EIF3L: variants seen among roughly 807,000 people sequenced by gnomAD.
The protein encoded by EIF3L is eIEF associated protein HSPC021.
EIF3L carries 32 observed loss-of-function variants against 74.6 expected under a neutral mutation model. The observed-to-expected ratio is 0.43, with a 90% CI of 0.32 to 0.58. The LOEUF (loss-of-function observed/expected upper bound fraction) is 0.58. EIF3L is among the 20% of genes least tolerant of loss of function. EIF3L has a pLI of 0.06. For synonymous variants in EIF3L, 256 were observed against 254.4 expected (o/e 1.01, Z -0.06); for missense variants, 474 against 707.8 (o/e 0.67, Z 3.75).
At chr22:37,871,508 C>T (rs1314661789) in intron 8 of EIF3L, among the ~76,000 whole-genome samples, 2 of 152,114 alleles carry the variant, frequency 1.3e-5, no homozygotes, top group African/African-American at 4.8e-5. Flanking sequence ...TACTTTCAGG[C>T]TGTGTGTATA....
chr22:37,874,351 CGGTGTCT>C lies in EIF3L; in HGVS notation c.752-17_752-11del, dbSNP rs754960254. On this transcript the variant is annotated splice_polypyrimidine_tract_variant and intron_variant, in intron 8 of 12. Coordinates refer to ENST00000652021, the MANE Select transcript of EIF3L (RefSeq NM_016091.4). The stretch of plus-strand genomic sequence containing the variant: ...TTTACCTGCCTCCTATCAGTATTCA[CGGTGTCT>C]GTCTCTTTCAGGTGACCCTGAGAGT... 6.2e-6 allele frequency: 10 copies of C among 1,610,948 alleles called. No homozygotes were observed. The African/African-American group carries it at 1.3e-4, about 21-fold the overall frequency.
At chr22:37,881,805 G>A (rs952628791) in intron 11 of EIF3L, 1 of 152,134 alleles carries the variant, frequency 6.6e-6, no homozygotes, top group African/African-American at 2.4e-5. Flanking sequence ...AAAATGTTCT[G>A]TTACTATCTT....
chr22:37,868,768 G>A (rs564219202), intron 7 of EIF3L, among the ~76,000 whole-genome samples: 65 of 148,282 alleles, frequency 4.4e-4, no homozygotes, highest in Non-Finnish European at 7.4e-4. Flanking sequence ...TCAGCCTCCC[G>A]AGTAGCTGGG....
At chr22:37,869,431 G>A (rs1333995088) in intron 7 of EIF3L, among the ~76,000 whole-genome samples, 3 of 152,128 alleles carry the variant, frequency 2.0e-5, no homozygotes, top group Admixed American at 6.6e-5. Context: ...GATCTCTGCT[G>A]GAAGAGTTGA....
At chr22:37,886,963 C>A in intron 12 of EIF3L, 118 bp downstream of exon 12, 1 of 763,946 alleles carries the variant, frequency 1.3e-6, no homozygotes, top group Non-Finnish European at 2.0e-6. Context: ...GAGTCTTGTG[C>A]TGTCACCCAT....
At position 37,886,933 on chromosome 22, in the gene EIF3L, C is replaced by T. The variant is rs557728972; in HGVS notation, c.1656+88C>T. The T allele has an allele frequency of 1.8e-5, 20 of 1,084,106 alleles. No homozygotes were observed. In the East Asian group the frequency reaches 6.0e-4, roughly 33 times the overall value. The allele number at this position is 1,084,106 out of a possible 1,614,324, so 67.2% of individuals were successfully genotyped here. A position where few individuals can be genotyped will look rare whatever the true frequency, so the allele number is the denominator to read the frequency against. ...AGTTTACTTTTTTTTAATTTTTATT[C>T]CTTTATTTATTTTGAGATGGAGTCT... On this transcript the variant is annotated intron_variant, in intron 12 of 12. Transcript: ENST00000652021.
At chr22:37,877,436 C>CT in intron 10 of EIF3L, 1 of 520,348 alleles carries the variant, frequency 1.9e-6, no homozygotes, top group Non-Finnish European at 3.4e-6. Flanking sequence ...ACTGGAGAGA[C>CT]TAAGACAGAG....
Position 37,849,999 on chromosome 22 carries a change from G to C in EIF3L, c.34-16G>C, listed in dbSNP as rs1298077422. 6.2e-7 allele frequency: 1 copy of C among 1,613,484 alleles called. No individual in the cohort carries two copies. Among genetic ancestry groups the C allele is most frequent in the Non-Finnish European group, 8.5e-7 (1 of 1,179,712 alleles). On this transcript the variant is annotated splice_polypyrimidine_tract_variant and intron_variant, in intron 1 of 12. Coordinates refer to ENST00000652021, the MANE Select transcript of EIF3L (RefSeq NM_016091.4). The stretch of plus-strand genomic sequence containing the variant: ...CGACTTGGCGGCTGTCCTTGACTGT[G>C]TCTCTTTCCTTCTAGGCGGCTTATG...
chr22:37,856,034 T>C (rs922596703), intron 4 of EIF3L, among the ~76,000 whole-genome samples: 3 of 94,428 alleles, frequency 3.2e-5, no homozygotes, highest in African/African-American at 1.1e-4. Flanking sequence ...TGGCACCAAT[T>C]TATTTATTTA....
chr22:37,849,476 G>A lies in EIF3L; in HGVS notation c.27G>A (p.Glu9=). 6.2e-7 allele frequency: 1 copy of A among 1,606,992 alleles called. No homozygotes were observed. MSYPADDY[E]SEAAYDPYAY... Reference sequence around the variant, plus strand: ...TGTCTTATCCCGCTGATGATTATGAGTCTGAGGTAAGGTGGCCGTAAGGGC... The same window carrying A: ...TGTCTTATCCCGCTGATGATTATGAATCTGAGGTAAGGTGGCCGTAAGGGC... The change falls in exon 1 of 13, where the codon GAG becomes GAA. Residue 9 remains glutamate, a synonymous_variant. Coordinates refer to ENST00000652021, the MANE Select transcript of EIF3L (RefSeq NM_016091.4).
At chr22:37,887,899 G>A (rs971316561) in intron 12 of EIF3L, 6 of 152,782 alleles carry the variant, frequency 3.9e-5, no homozygotes, top group Non-Finnish European at 7.3e-5. Context: ...AGGTCTTGTG[G>A]GTCAGGCCAA....
intron 11 of EIF3L, chr22:37,884,425 C>T (rs1927216538): frequency 6.6e-6 from 1 of 151,848 alleles, no homozygotes. Context: ...TTTTAATTTT[C>T]AGATATATAT....
intron 8 of EIF3L, among the ~76,000 whole-genome samples, chr22:37,874,122 A>G (rs547324690): frequency 1.3e-5 from 2 of 152,202 alleles, no homozygotes; most frequent in East Asian, 1.9e-4. Context: ...GGGCCTTTGC[A>G]TGTGTTGGGA....
chr22:37,872,503 TA>T (rs1342196330), intron 8 of EIF3L, among the ~76,000 whole-genome samples: 2 of 152,202 alleles, frequency 1.3e-5, no homozygotes, highest in East Asian at 3.8e-4. Context: ...TACATTTTTT[TA>T]AAAAGTCAGA....
At chr22:37,872,703 C>T (rs1175137286) in intron 8 of EIF3L, among the ~76,000 whole-genome samples, 1 of 152,146 alleles carries the variant, frequency 6.6e-6, no homozygotes, top group African/African-American at 2.4e-5. Flanking sequence ...ACTGCATCCT[C>T]TACCTGCTGG....
chr22:37,849,646 T>C (rs1484887008), intron 1 of EIF3L, 164 bp downstream of exon 1: 7 of 764,966 alleles, frequency 9.2e-6, no homozygotes, highest in Non-Finnish European at 1.5e-5. Flanking sequence ...TAGACAACCC[T>C]GGCTCTGCCC....
chr22:37,870,244 T>C lies in EIF3L; in HGVS notation c.648T>C (p.Arg216=). The change falls in exon 8 of 13, where the codon CGT becomes CGC. Residue 216 remains arginine, a synonymous_variant. Transcript: ENST00000652021. ...KKSEEEIDFL[R]SNPKIWNVHS... ...CAGAGGAGGAGATTGACTTTCTTCG[T>C]TCCAATCCCAAAATCTGGAATGTTC... is the stretch of plus-strand genomic sequence containing the variant. 1 of 1,614,028 alleles carries C rather than the reference T, an allele frequency of 6.2e-7. No homozygotes were observed. Among genetic ancestry groups the C allele is most frequent in the Non-Finnish European group, 8.5e-7 (1 of 1,179,950 alleles).
chr22:37,886,493 C>A (rs866958958), intron 11 of EIF3L: 5 of 185,956 alleles, frequency 2.7e-5, no homozygotes, highest in Admixed American at 1.8e-4. Flanking sequence ...TGCTTGAACC[C>A]TGGAGGCGGA....
intron 7 of EIF3L, among the ~76,000 whole-genome samples, chr22:37,867,936 CAG>C (rs1926242263): frequency 8.2e-6 from 1 of 122,066 alleles, no homozygotes; most frequent in South Asian, 2.6e-4. Context: ...GCCTCGGAGA[CAG>C]AGCGAGACTC....
Sources: allele counts gnomAD v4.1 joint callset (sites outside exome capture counted in the v4.1 genomes callset), GRCh38; gene constraint gnomAD v4.1.1; transcripts MANE v1.5; gene names NCBI Gene and HGNC (gene_info 2026-07-23, HGNC 2026-07-21).